ZNF521: variants seen among roughly 807,000 people sequenced by gnomAD.
ZNF521 encodes the protein LYST-interacting protein 3.
A neutral mutation model predicts 105.5 loss-of-function variants in ZNF521; 14 were observed. The observed-to-expected ratio is 0.13, with a 90% CI of 0.09 to 0.21. The LOEUF is 0.21. Among genes scored for constraint, ZNF521 ranks in the 10% least tolerant of loss-of-function variants. ZNF521 has a pLI of 1.00. For synonymous variants in ZNF521, 635 were observed against 606.0 expected (o/e 1.05, Z -0.70); for missense variants, 1,233 against 1,629.7 (o/e 0.76, Z 4.19).
At chr18:25,182,405 T>C (rs756184264) in intron 5 of ZNF521, among the ~76,000 whole-genome samples, 3 of 152,228 alleles carry the variant, frequency 2.0e-5, no homozygotes, top group Admixed American at 6.5e-5. Context: ...GCATTTTTAC[T>C]ATATTTGAAA....
intron 3 of ZNF521, among the ~76,000 whole-genome samples, chr18:25,262,689 A>G (rs1908992184): frequency 6.6e-6 from 1 of 152,238 alleles, no homozygotes; most frequent in Non-Finnish European, 1.5e-5. Context: ...AAGGAGAAAT[A>G]AGACCACAGT....
At chr18:25,077,403 G>A (rs898998206) in intron 7 of ZNF521, among the ~76,000 whole-genome samples, 1 of 152,142 alleles carries the variant, frequency 6.6e-6, no homozygotes, top group South Asian at 2.1e-4. Flanking sequence ...ACTTCTCCCA[G>A]CTCTTCCCTA....
rs548204681 is a variant in ZNF521 at position 25,224,584 on chromosome 18, C to G, written c.3334G>C (p.Gly1112Arg). The G allele has an allele frequency of 5.6e-5, 91 of 1,613,856 alleles. No individual in the cohort carries two copies. Among genetic ancestry groups the G allele is most frequent in the Non-Finnish European group, 7.5e-5 (89 of 1,180,002 alleles). ...SASPGINVPP[G>R]TNRPGLGQNE... ...TGGCCCAAGCCTGGTCTATTCGTGCCGGGAGGGACGTTAATGCCTGGGCTG... is the reference window on the plus strand; with the variant it reads ...TGGCCCAAGCCTGGTCTATTCGTGCGGGGAGGGACGTTAATGCCTGGGCTG... Residue 1112 changes from glycine (G) to arginine (R), a missense_variant, in exon 4 of 8, where the codon GGC (glycine) becomes CGC (arginine). Gly to Arg is a moderately radical substitution (Grantham distance 125, BLOSUM62 -2). This residue lies in a region of ZNF521 where 614 missense variants were observed against 751.5 expected (regional missense o/e 0.82). Coordinates refer to ENST00000361524, the MANE Select transcript of ZNF521 (RefSeq NM_015461.3).
At chr18:25,180,925 G>A (rs1042272946) in intron 5 of ZNF521, among the ~76,000 whole-genome samples, 4 of 152,116 alleles carry the variant, frequency 2.6e-5, no homozygotes, top group Admixed American at 1.3e-4. Context: ...CCCTGAATTC[G>A]TGGTACTCAT....
rs1392828586 is a variant in ZNF521, at chr18:25,312,628, A to C, written c.220+9380T>G. ...GAGATCGAGACCATCCTGGCTAACA[A>C]GGTGAAACCCCGTCTCTACTAAAAA... On this transcript the variant is annotated intron_variant, in intron 3 of 7. Transcript: ENST00000361524. Among the ~76,000 whole-genome samples, 3 of 58,850 alleles carry C rather than the reference A, an allele frequency of 5.1e-5. 1 individual carries two copies. The highest frequency in any genetic ancestry group is 1.9e-4 in the Admixed American group (1 of 5,338). 38.6% of individuals were successfully genotyped at this position (58,850 alleles called of 152,430 possible).
intron 5 of ZNF521, among the ~76,000 whole-genome samples, chr18:25,151,110 C>T (rs2035040339): frequency 6.6e-6 from 1 of 151,974 alleles, no homozygotes; most frequent in South Asian, 2.1e-4. Flanking sequence ...TCTTATGTTG[C>T]TCCCCTGACT....
chr18:25,167,174 C>T (rs1254870172), intron 5 of ZNF521, among the ~76,000 whole-genome samples: 1 of 152,068 alleles, frequency 6.6e-6, no homozygotes, highest in Non-Finnish European at 1.5e-5. Flanking sequence ...CAATATGGTG[C>T]CATGAAAGTT....
At chr18:25,125,503 G>T (rs185235027) in intron 5 of ZNF521, among the ~76,000 whole-genome samples, 31 of 151,928 alleles carry the variant, frequency 2.0e-4, no homozygotes, top group Non-Finnish European at 2.8e-4. Flanking sequence ...ATCTTGAATA[G>T]GTCTTGTGTG....
chr18:25,116,444 C>G (rs996407055), intron 5 of ZNF521, among the ~76,000 whole-genome samples: 1 of 152,016 alleles, frequency 6.6e-6, no homozygotes, highest in African/African-American at 2.4e-5. Flanking sequence ...AAAAGGTAAC[C>G]CCTTAAACAT....
chr18:25,143,322 C>T (rs8086782), intron 5 of ZNF521, among the ~76,000 whole-genome samples: 140,249 of 152,150 alleles, frequency 0.92, 65,102 homozygotes, highest in Middle Eastern at 0.99. Context: ...TGGTAAGAGA[C>T]GGGGATATAA....
At chr18:25,152,651 G>A (rs1053460244) in intron 5 of ZNF521, among the ~76,000 whole-genome samples, 32 of 152,162 alleles carry the variant, frequency 2.1e-4, no homozygotes, top group African/African-American at 7.7e-4. Context: ...GGAGACCCCG[G>A]AAAATTATGA....
rs146055017 is a variant in ZNF521, at chr18:25,162,989, G to C, written c.3658+32171C>G. ...CTAAGATCAACATAAAATGGCACTT[G>C]CATATATTTTTCTCCATTGTTCCAT... On this transcript the variant is annotated intron_variant, in intron 5 of 7. Transcript: ENST00000361524. Among the ~76,000 whole-genome samples the C allele has an allele frequency of 1.8e-4, 28 of 152,174 alleles. No homozygotes were observed. In the East Asian group the frequency reaches 4.1e-3, roughly 22 times the overall value.
rs1336969277 is a variant in ZNF521, at chr18:25,333,324, A to C, written c.41-11137T>G. Among the ~76,000 whole-genome samples, 323 of 147,562 alleles carry C rather than the reference A, an allele frequency of 2.2e-3. 6 individuals carry two copies. The East Asian group carries it at 0.03, about 14-fold the overall frequency. ...ACTCTCTCTCTCTCTCTATATATAT[A>C]TATATATATACACACATATATATAT... On this transcript the variant is annotated intron_variant, in intron 2 of 7. Transcript: ENST00000361524.
chr18:25,227,303 G>A lies in ZNF521; in HGVS notation c.615C>T (p.Ala205=), dbSNP rs1362512962. The A allele has an allele frequency of 1.2e-6, 2 of 1,614,114 alleles. No homozygotes were observed. Among genetic ancestry groups the A allele is most frequent in the South Asian group, 1.1e-5 (1 of 91,078 alleles). ...AGGACAGAAACCCACGGCGACAAAT[G>A]GCACATTTATATGGCTTGTTGGACG... is the stretch of plus-strand genomic sequence containing the variant. ...THTSNKPYKC[A]ICRRGFLSSS... Residue 205 remains alanine (A), a synonymous_variant, in exon 4 of 8, where the codon GCC becomes GCT. Coordinates refer to ENST00000361524, the MANE Select transcript of ZNF521 (RefSeq NM_015461.3). The surrounding 1 kb of genome is among the most constrained non-coding windows in gnomAD (Gnocchi z 5.7).
intron 3 of ZNF521, among the ~76,000 whole-genome samples, chr18:25,288,964 T>C (rs770026019): frequency 6.6e-6 from 1 of 152,236 alleles, no homozygotes; most frequent in Admixed American, 6.5e-5. Flanking sequence ...TTAAGGCTAT[T>C]GATAATAAAA....
At chr18:25,256,730 G>C (rs1249781236) in intron 3 of ZNF521, among the ~76,000 whole-genome samples, 9 of 151,908 alleles carry the variant, frequency 5.9e-5, no homozygotes, top group Admixed American at 5.9e-4. Context: ...GGCAATCTAA[G>C]GAAGAAAGAC....
In ZNF521 at chr18:25,238,945, AG is replaced by A. The variant is rs1433545250; in HGVS notation, c.221-11249del. On this transcript the variant is annotated intron_variant, in intron 3 of 7. Coordinates refer to ENST00000361524, the MANE Select transcript of ZNF521 (RefSeq NM_015461.3). ...CATTCCCAAGCTTGAGAATCACCTT[AG>A]AATCTTTTCTTTCCCCTGAATCACC... Among the ~76,000 whole-genome samples the A allele has an allele frequency of 3.3e-5, 5 of 152,200 alleles. No homozygotes were observed. The East Asian group carries it at 7.8e-4, about 24-fold the overall frequency.
At chr18:25,296,160 T>C (rs1911309543) in intron 3 of ZNF521, among the ~76,000 whole-genome samples, 1 of 152,228 alleles carries the variant, frequency 6.6e-6, no homozygotes, top group African/African-American at 2.4e-5. Context: ...GAGTCTATTT[T>C]ATTTAATTCC....
At chr18:25,154,373 A>G (rs1284302926) in intron 5 of ZNF521, among the ~76,000 whole-genome samples, 1 of 152,192 alleles carries the variant, frequency 6.6e-6, no homozygotes, top group African/African-American at 2.4e-5. Flanking sequence ...AATGTGGACA[A>G]AAAGATTTTT....
Sources: gnomAD v4.1 joint callset for allele counts (sites outside exome capture counted in the v4.1 genomes callset) on GRCh38, gnomAD v4.1.1 for gene constraint, gnomAD v4.1.1 regional missense constraint, Gnocchi (gnomAD v3.1) non-coding constraint, MANE v1.5 for transcripts, NCBI Gene and HGNC (gene_info 2026-07-23, HGNC 2026-07-21) for gene names.